Variants in BBS9 observed in about 807,000 individuals in gnomAD.
BBS9 encodes protein PTHB1.
In BBS9, 89 loss-of-function variants were observed where a neutral mutation model predicts 117.7. The ratio of observed to expected loss-of-function variants is 0.76; its 90% CI spans 0.64 to 0.90. The LOEUF is 0.90. Ranked by LOEUF, BBS9 falls within the 40% of genes least tolerant of loss-of-function variation. BBS9 has a pLI of 0.00. For missense variants in BBS9, 982 were observed against 1,042.2 expected (o/e 0.94, Z 0.80); for synonymous variants, 379 against 370.9 (o/e 1.02, Z -0.25).
chr7:33,454,709 C>T (rs1838385181), intron 19 of BBS9, among the ~76,000 whole-genome samples: 1 of 152,200 alleles, frequency 6.6e-6, no homozygotes, highest in South Asian at 2.1e-4. Context: ...GGCTTGTGCA[C>T]ACCTGCTATA....
intron 19 of BBS9, among the ~76,000 whole-genome samples, chr7:33,391,722 C>A (rs1375175720): frequency 2.6e-5 from 4 of 151,982 alleles, no homozygotes; most frequent in Admixed American, 2.6e-4. Flanking sequence ...TTTGTCTTAC[C>A]ATTTTGTGTA....
chr7:33,296,058 A>G (rs183606133), intron 9 of BBS9, among the ~76,000 whole-genome samples: 47 of 152,242 alleles, frequency 3.1e-4, no homozygotes, highest in Non-Finnish European at 1.3e-4. Context: ...ACAACCATGT[A>G]AAAATTAAAC....
chr7:33,597,248 A>G (rs1336917808), intron 21 of BBS9, among the ~76,000 whole-genome samples: 2 of 151,978 alleles, frequency 1.3e-5, no homozygotes, highest in Admixed American at 1.3e-4. Context: ...TTGAAATGAA[A>G]TCTCAAAAAA....
intron 9 of BBS9, among the ~76,000 whole-genome samples, chr7:33,283,996 T>G (rs1584087976): frequency 6.6e-6 from 1 of 152,160 alleles, no homozygotes; most frequent in African/African-American, 2.4e-5. Context: ...TGGCTGCCGC[T>G]TGTCTTTCTG....
chr7:33,202,355 G>T (rs548230067), intron 5 of BBS9, among the ~76,000 whole-genome samples: 63 of 152,302 alleles, frequency 4.1e-4, no homozygotes, highest in African/African-American at 1.3e-3. Context: ...TGTTAGAGAT[G>T]TTAATAATCT....
intron 19 of BBS9, among the ~76,000 whole-genome samples, chr7:33,482,156 T>G (rs1231548405): frequency 6.6e-6 from 1 of 152,116 alleles, no homozygotes; most frequent in Non-Finnish European, 1.5e-5. Context: ...TCTCACATAT[T>G]CTTTAGGAGA....
intron 5 of BBS9, among the ~76,000 whole-genome samples, chr7:33,204,195 A>G (rs1409536396): frequency 6.6e-6 from 1 of 150,872 alleles, no homozygotes; most frequent in Non-Finnish European, 1.5e-5. Context: ...ACCTGAGGTC[A>G]GGAGTTCGAG....
chr7:33,426,658 G>T (rs1002218991), intron 19 of BBS9, among the ~76,000 whole-genome samples: 4 of 151,604 alleles, frequency 2.6e-5, no homozygotes, highest in Non-Finnish European at 4.4e-5. Flanking sequence ...GATCTGAGAA[G>T]TTCTGCTTTA....
At chr7:33,362,397 A>G (rs571664550) in intron 16 of BBS9, among the ~76,000 whole-genome samples, 5 of 152,190 alleles carry the variant, frequency 3.3e-5, no homozygotes, top group African/African-American at 1.2e-4. Flanking sequence ...TTCTAGTTTT[A>G]AACTTTACAT....
intron 5 of BBS9, among the ~76,000 whole-genome samples, chr7:33,190,434 T>G (rs1265919541): frequency 6.6e-6 from 1 of 152,212 alleles, no homozygotes; most frequent in Non-Finnish European, 1.5e-5. Context: ...TCATGTGGAT[T>G]TAGATGTACT....
chr7:33,483,336 C>T (rs180912883), intron 19 of BBS9, among the ~76,000 whole-genome samples: 10 of 152,226 alleles, frequency 6.6e-5, no homozygotes, highest in East Asian at 3.9e-4. Context: ...GTAAATTTTC[C>T]GGAACTTTCT....
intron 21 of BBS9, among the ~76,000 whole-genome samples, chr7:33,597,893 CAAAAA>C (rs1317875452): frequency 3.6e-5 from 5 of 139,980 alleles, no homozygotes; most frequent in African/African-American, 1.3e-4. Context: ...AAAAACAAAA[CAAAAA>C]CAAATAGAAG....
intron 7 of BBS9, 33 bp downstream of exon 7, chr7:33,264,407 A>T (rs187651906): frequency 2.4e-6 from 3 of 1,225,360 alleles, no homozygotes; most frequent in Non-Finnish European, 3.5e-6. Context: ...AAAAATTTCA[A>T]TAATGCTATA....
At chr7:33,620,944 T>A (rs1865374622) in intron 21 of BBS9, among the ~76,000 whole-genome samples, 1 of 152,074 alleles carries the variant, frequency 6.6e-6, no homozygotes, top group Non-Finnish European at 1.5e-5. Context: ...GTGTTTACAG[T>A]CAACTGATCT....
At chr7:33,216,262 GT>G (rs1789041075) in intron 5 of BBS9, among the ~76,000 whole-genome samples, 1 of 152,122 alleles carries the variant, frequency 6.6e-6, no homozygotes, top group Admixed American at 6.6e-5. Context: ...TCTAAACACT[GT>G]CTTTAAAAAT....
At chr7:33,550,322 G>C (rs2129089600) in intron 21 of BBS9, among the ~76,000 whole-genome samples, 1 of 152,182 alleles carries the variant, frequency 6.6e-6, no homozygotes, top group Admixed American at 6.5e-5. Flanking sequence ...CCTAGATAAA[G>C]TATTTTAATT....
At chr7:33,160,377 T>G (rs1467766298) in intron 4 of BBS9, among the ~76,000 whole-genome samples, 5 of 152,198 alleles carry the variant, frequency 3.3e-5, no homozygotes, top group African/African-American at 4.8e-5. Context: ...TTAAAATTTC[T>G]CACCTGCATT....
In BBS9 at chr7:33,364,035, G is replaced by C. The variant is rs1357391208; in HGVS notation, c.1694-3732G>C. Among the ~76,000 whole-genome samples, 2 of 42,474 alleles carry C rather than the reference G, an allele frequency of 4.7e-5. 1 individual carries two copies. Among genetic ancestry groups the C allele is most frequent in the African/African-American group, 2.2e-4 (2 of 9,018 alleles). 27.9% of individuals were successfully genotyped at this position (42,474 alleles called of 152,430 possible). Reference sequence around the variant, plus strand: ...GCGATCTCGGCTCACTGCAAGCTCCGCCTCCCGGGTTCACGCCATTCTCCT... The same window carrying C: ...GCGATCTCGGCTCACTGCAAGCTCCCCCTCCCGGGTTCACGCCATTCTCCT... On this transcript the variant is annotated intron_variant, in intron 16 of 22. Transcript: ENST00000242067.
chr7:33,498,882 G>A (rs1464874907), intron 19 of BBS9, among the ~76,000 whole-genome samples: 2 of 152,160 alleles, frequency 1.3e-5, no homozygotes, highest in Admixed American at 1.3e-4. Flanking sequence ...ATACCTAGAA[G>A]TGGAATTTCT....
Sources: gnomAD v4.1 joint callset for allele counts (sites outside exome capture counted in the v4.1 genomes callset) on GRCh38, gnomAD v4.1.1 for gene constraint, MANE v1.5 for transcripts, NCBI Gene and HGNC (gene_info 2026-07-23, HGNC 2026-07-21) for gene names.